Variants in SLC39A6 observed in about 807,000 individuals in gnomAD.
SLC39A6 encodes solute carrier family 39 member 6.
SLC39A6 carries 51 observed loss-of-function variants against 63.5 expected under a neutral mutation model. The ratio of observed to expected loss-of-function variants is 0.80; its 90% CI spans 0.64 to 1.01. The LOEUF (loss-of-function observed/expected upper bound fraction) is 1.01. Ranked by LOEUF, SLC39A6 falls within the 50% of genes least tolerant of loss-of-function variation. SLC39A6 has a pLI of 0.00. For synonymous variants in SLC39A6, 318 were observed against 324.7 expected (o/e 0.98, Z 0.22); for missense variants, 805 against 927.8 (o/e 0.87, Z 1.72).
rs770072281 is a variant in SLC39A6, at chr18:36,126,544, C to A, written c.464G>T (p.Gly155Val). The A allele has an allele frequency of 6.2e-7, 1 of 1,614,204 alleles. No individual in the cohort carries two copies. Among genetic ancestry groups the A allele is most frequent in the Non-Finnish European group, 8.5e-7 (1 of 1,180,028 alleles). ...LCPDHDSDSS[G>V]KDPRNSQGKG... Reference sequence around the variant, plus strand: ...CCCCTGGCTGTTTCTAGGATCTTTACCTGAACTATCTGAGTCATGGTCTGG... The same window carrying A: ...CCCCTGGCTGTTTCTAGGATCTTTAACTGAACTATCTGAGTCATGGTCTGG... The change falls in exon 2 of 10, where the codon GGT becomes GTT. Residue 155 changes from glycine to valine, a missense_variant. Around this residue, in one of 4 missense-constraint regions of SLC39A6, gnomAD observed 639 missense variants for 644.0 expected, o/e 0.99. Coordinates refer to ENST00000269187, the MANE Select transcript of SLC39A6 (RefSeq NM_012319.4).
intron 9 of SLC39A6, 40 bp downstream of exon 9, chr18:36,111,019 T>C (rs769800524): frequency 6.2e-7 from 1 of 1,606,984 alleles, no homozygotes; most frequent in Admixed American, 1.7e-5. Flanking sequence ...CTCTATTTTA[T>C]TGTTGGTCAA....
rs1303900756 is a variant in SLC39A6 at position 36,116,711 on chromosome 18, T to C, written c.1428A>G (p.Gln476=). The C allele has an allele frequency of 3.1e-6, 5 of 1,613,312 alleles. No homozygotes were observed. The highest frequency in any genetic ancestry group is 1.7e-5 in the Admixed American group (1 of 59,912). Residue 476 remains glutamine, a synonymous_variant, in exon 6 of 10, where the codon CAA becomes CAG. Transcript: ENST00000269187. ...CTACTTTCTCCTCATTTGTTGAAAG[T>C]TGAGATTCATACTTGGACAACTGCT... The part of the protein sequence containing the change: ...IKKQLSKYES[Q]LSTNEEKVDT...
intron 6 of SLC39A6, 59 bp from the exon 7 acceptor site, chr18:36,114,533 G>T: frequency 1.5e-6 from 2 of 1,368,440 alleles, no homozygotes; most frequent in Non-Finnish European, 2.0e-6. Flanking sequence ...TGGACTTGGA[G>T]ACATTTCAAA....
In SLC39A6 at chr18:36,113,104, T is replaced by A. The variant is rs1298532567; in HGVS notation, c.1844-523A>T. On this transcript the variant is annotated intron_variant, in intron 7 of 9. Transcript: ENST00000269187. ...AACCATGACTGTGCATATATATTTT[T>A]TTTTTTCAGAGACAGGGTTTCATTC... Among the ~76,000 whole-genome samples, 3 of 152,110 alleles carry A rather than the reference T, an allele frequency of 2.0e-5. No homozygotes were observed. The East Asian group carries it at 5.8e-4, about 29-fold the overall frequency.
intron 5 of SLC39A6, among the ~76,000 whole-genome samples, chr18:36,117,264 G>A (rs1436745931): frequency 6.6e-6 from 1 of 151,988 alleles, no homozygotes; most frequent in Non-Finnish European, 1.5e-5. Context: ...TCCAGCTAGG[G>A]GCATTTCCTT....
rs774493300 is a variant in SLC39A6, at chr18:36,122,035, G to A, written c.1359+17C>T. ...AATATCTGAAGCATAGTAAGTACTC[G>A]GTATACTTTTTCTTACCTTTTTCTT... is the stretch of plus-strand genomic sequence containing the variant. On this transcript the variant is annotated intron_variant, in intron 5 of 9. Coordinates refer to ENST00000269187, the MANE Select transcript of SLC39A6 (RefSeq NM_012319.4). The A allele has an allele frequency of 2.2e-5, 34 of 1,530,362 alleles. No homozygotes were observed. The highest frequency in any genetic ancestry group is 2.9e-5 in the Non-Finnish European group (32 of 1,108,178). 94.8% of individuals were successfully genotyped at this position (1,530,362 alleles called of 1,614,324 possible). A position where few individuals can be genotyped will look rare whatever the true frequency, so the allele number is the denominator to read the frequency against.
At chr18:36,110,132 T>C (rs1229936821) in intron 9 of SLC39A6, among the ~76,000 whole-genome samples, 1 of 152,168 alleles carries the variant, frequency 6.6e-6, no homozygotes, top group Admixed American at 6.5e-5. Context: ...TTGTCTTTGA[T>C]TGCTTACAAA....
At chr18:36,123,335 G>A (rs1038189313) in intron 4 of SLC39A6, among the ~76,000 whole-genome samples, 160 bp downstream of exon 4, 7 of 152,096 alleles carry the variant, frequency 4.6e-5, no homozygotes, top group Admixed American at 3.3e-4. Context: ...TATTAAGATC[G>A]AGCAGAAAAA....
At chr18:36,113,562 T>C (rs1221487550) in intron 7 of SLC39A6, among the ~76,000 whole-genome samples, 2 of 152,226 alleles carry the variant, frequency 1.3e-5, no homozygotes, top group South Asian at 2.1e-4. Flanking sequence ...AGCTGCCTAA[T>C]TGCATGGTTC....
At position 36,123,607 on chromosome 18, in the gene SLC39A6, A is replaced by AC. The variant is rs755972916; in HGVS notation, c.1027dup (p.Val343GlyfsTer30). 15 of 1,613,584 alleles carry AC rather than the reference A, an allele frequency of 9.3e-6. No individual in the cohort carries two copies. Among genetic ancestry groups the AC allele is most frequent in the African/African-American group, 1.3e-5 (1 of 74,852 alleles). On this transcript the variant is annotated frameshift_variant, in exon 4 of 10. Transcript: ENST00000269187. LOFTEE classifies it high-confidence loss of function. ...CCGATTCATGAGAGGCACTAAGATAACCCCCAGCAGAGACAGGAAACTGAT... is the reference window on the plus strand; with the variant it reads ...CCGATTCATGAGAGGCACTAAGATAACCCCCCAGCAGAGACAGGAAACTGAT...
At chr18:36,116,900 T>C in intron 5 of SLC39A6, 121 bp from the exon 6 acceptor site, 1 of 656,782 alleles carries the variant, frequency 1.5e-6, no homozygotes, top group Non-Finnish European at 2.6e-6. Context: ...CTCTTAAGTA[T>C]GTTCCCACAC....
intron 8 of SLC39A6, among the ~76,000 whole-genome samples, chr18:36,111,651 A>T (rs1567956668): frequency 2.0e-5 from 3 of 151,956 alleles, no homozygotes; most frequent in Admixed American, 1.3e-4. Context: ...CACCTGGATA[A>T]TTTTTTTACT....
chr18:36,114,332 G>C lies in SLC39A6; in HGVS notation c.1608C>G (p.Cys536Trp). The C allele has an allele frequency of 6.2e-7, 1 of 1,614,204 alleles. No individual in the cohort carries two copies. Among genetic ancestry groups the C allele is most frequent in the Non-Finnish European group, 8.5e-7 (1 of 1,180,044 alleles). The part of the protein sequence containing the change: ...EVYNEYVPRG[C>W]KNKCHSHFHD... ...GGAAATGTGAATGGCATTTATTCTT[G>C]CACCCTCTGGGTACATATTCATTGT... The change falls in exon 7 of 10, where the codon TGC becomes TGG. Residue 536 changes from cysteine (C) to tryptophan (W), a missense_variant. By Grantham distance (215) the Cys-to-Trp change is radical. Transcript: ENST00000269187.
intron 4 of SLC39A6, among the ~76,000 whole-genome samples, chr18:36,122,704 T>C (rs988117204): frequency 7.9e-5 from 12 of 152,234 alleles, no homozygotes; most frequent in Non-Finnish European, 1.2e-4. Context: ...TGCACTGCCC[T>C]AGCAGCCTGT....
chr18:36,113,578 A>G (rs2089319616), intron 7 of SLC39A6, among the ~76,000 whole-genome samples: 2 of 152,212 alleles, frequency 1.3e-5, no homozygotes, highest in Non-Finnish European at 1.5e-5. Flanking sequence ...GGTTCCTTCC[A>G]GCACTAAATT....
chr18:36,123,776 A>C, intron 3 of SLC39A6, 112 bp from the exon 4 acceptor site: 5 of 1,066,814 alleles, frequency 4.7e-6, no homozygotes, highest in Non-Finnish European at 6.6e-6. Flanking sequence ...GAAGCTAAAA[A>C]CACACAAATT....
At chr18:36,123,425 G>A in intron 4 of SLC39A6, 70 bp downstream of exon 4, 1 of 1,379,718 alleles carries the variant, frequency 7.2e-7, no homozygotes, top group Non-Finnish European at 9.8e-7. Context: ...AAAAATTCTA[G>A]CATAAACCAA....
At chr18:36,116,560 T>G (rs767700160) in intron 6 of SLC39A6, 114 bp downstream of exon 6, 2 of 695,918 alleles carry the variant, frequency 2.9e-6, no homozygotes, top group Non-Finnish European at 5.0e-6. Context: ...TATGAGATAC[T>G]GCAAAAACCA....
At chr18:36,118,463 T>C (rs1240845629) in intron 5 of SLC39A6, among the ~76,000 whole-genome samples, 1 of 151,960 alleles carries the variant, frequency 6.6e-6, no homozygotes, top group Non-Finnish European at 1.5e-5. Context: ...ACTGAAAAAA[T>C]ATAACTTATA....
Sources: allele counts gnomAD v4.1 joint callset (sites outside exome capture counted in the v4.1 genomes callset), GRCh38; gene constraint gnomAD v4.1.1; regional missense constraint gnomAD v4.1.1; transcripts MANE v1.5; gene names NCBI Gene and HGNC (gene_info 2026-07-23, HGNC 2026-07-21).